Variants in MUC5AC observed in about 807,000 individuals in gnomAD.
The protein encoded by MUC5AC is mucin 5AC, oligomeric mucus/gel-forming.
A neutral mutation model predicts 169.7 loss-of-function variants in MUC5AC; 158 were observed. That is an observed-to-expected ratio of 0.93 (90% CI 0.82 to 1.06). MUC5AC has a LOEUF of 1.06. MUC5AC is among the 50% of genes least tolerant of loss of function. The probability of loss-of-function intolerance (pLI) is 0.00; values close to 1 mark genes in which losing one functional copy is unlikely to be tolerated. For missense variants in MUC5AC, 4,359 were observed against 3,089.9 expected (o/e 1.41, Z -9.74); for synonymous variants, 1,975 against 1,237.0 (o/e 1.60, Z -12.52).
chr11:1,199,082 C>T lies in MUC5AC; in HGVS notation c.16297-5C>T, dbSNP rs761452747. ...ATTCCAGCCACATGTCCATCCCTCC[C>T]GCAGGGCTTCGAGTACCAGGAGCAG... On this transcript the variant is annotated splice_polypyrimidine_tract_variant and splice_region_variant and intron_variant, in intron 44 of 48. Coordinates refer to ENST00000621226, the MANE Select transcript of MUC5AC (RefSeq NM_001304359.2). The T allele has an allele frequency of 1.8e-5, 14 of 763,952 alleles. No individual in the cohort carries two copies. The highest frequency in any genetic ancestry group is 2.7e-5 in the South Asian group (2 of 74,410). The allele number at this position is 763,952 out of a possible 1,614,324, so 47.3% of individuals were successfully genotyped here. A position where few individuals can be genotyped will look rare whatever the true frequency, so the allele number is the denominator to read the frequency against.
At chr11:1,169,708 C>G (rs1860441919) in intron 15 of MUC5AC, among the ~76,000 whole-genome samples, 1 of 144,972 alleles carries the variant, frequency 6.9e-6, no homozygotes, top group Admixed American at 6.8e-5. Context: ...ACTCACTCAC[C>G]TCACTCACTG....
At chr11:1,198,103 T>C (rs1835958007) in intron 42 of MUC5AC, 99 bp downstream of exon 42, 1 of 649,554 alleles carries the variant, frequency 1.5e-6, no homozygotes, top group Non-Finnish European at 2.8e-6. Flanking sequence ...GCTTGTCCAC[T>C]GCGGGTCTGT....
At chr11:1,169,654 A>C in intron 15 of MUC5AC, among the ~76,000 whole-genome samples, 1 of 111,384 alleles carries the variant, frequency 9.0e-6, no homozygotes, top group Middle Eastern at 7.7e-3. Flanking sequence ...CCATTCACTC[A>C]CTCACCCACT....
chr11:1,169,858 C>T (rs1289721543), intron 15 of MUC5AC, among the ~76,000 whole-genome samples: 4 of 133,066 alleles, frequency 3.0e-5, no homozygotes, highest in Admixed American at 7.4e-5. Flanking sequence ...ACCGACTCAC[C>T]CATTCACCCA....
intron 15 of MUC5AC, 72 bp downstream of exon 15, chr11:1,169,098 A>G: frequency 6.8e-7 from 1 of 1,465,342 alleles, no homozygotes; most frequent in Non-Finnish European, 9.0e-7. Flanking sequence ...TTGGCACTGC[A>G]GGCAGCGAGG....
chr11:1,185,576 C>G lies in MUC5AC; in HGVS notation c.7431C>G (p.Thr2477=). ...CTTCTGCTCCTAAAAGCAGCACAAC[C>G]TCTGCCGCTACAACCAGCACAACCT... is the stretch of plus-strand genomic sequence containing the variant. ...RTTSAPKSST[T]SAATTSTTSG... is the part of the protein sequence containing the mutation. Residue 2477 remains threonine (T), a synonymous_variant, in exon 31 of 49, where the codon ACC becomes ACG. Transcript: ENST00000621226. 2.8e-6 allele frequency: 2 copies of G among 720,770 alleles called. No individual in the cohort carries two copies. The highest frequency in any genetic ancestry group is 1.4e-5 in the South Asian group (1 of 69,184). The allele number at this position is 720,770 out of a possible 1,614,324, so 44.6% of individuals were successfully genotyped here.
Position 1,179,089 on chromosome 11 carries a change from C to A in MUC5AC, c.3328-3C>A. On this transcript the variant is annotated splice_polypyrimidine_tract_variant and splice_region_variant and intron_variant, in intron 25 of 48. Transcript: ENST00000621226. ...CTGGAACCTGAAGCCCCGTCTCCCT[C>A]AGGTGGAGCCGGCCAGGTACTACGA... The A allele has an allele frequency of 1.8e-6, 1 of 553,034 alleles. No individual in the cohort carries two copies. The allele number at this position is 553,034 out of a possible 1,614,324, so 34.3% of individuals were successfully genotyped here.
Position 1,190,604 on chromosome 11 carries a change from A to T in MUC5AC, c.12459A>T (p.Thr4153=), listed in dbSNP as rs1861065062. Residue 4153 remains threonine (T), a synonymous_variant, in exon 31 of 49, where the codon ACA becomes ACT. Coordinates refer to ENST00000621226, the MANE Select transcript of MUC5AC (RefSeq NM_001304359.2). The part of the protein sequence containing the change: ...HRTTSGPTTS[T]TLAPTTSTTS... The stretch of plus-strand genomic sequence containing the variant: ...CGACTTCTGGTCCTACAACCAGCAC[A>T]ACCTTGGCTCCTACAACCAGCACAA... 1.4e-6 allele frequency: 1 copy of T among 693,860 alleles called. No individual in the cohort carries two copies. Among genetic ancestry groups the T allele is most frequent in the Non-Finnish European group, 2.6e-6 (1 of 380,656 alleles). 43.0% of individuals were successfully genotyped at this position (693,860 alleles called of 1,614,324 possible). A position where few individuals can be genotyped will look rare whatever the true frequency, so the allele number is the denominator to read the frequency against.
At chr11:1,170,602 C>A (rs1479747647) in intron 15 of MUC5AC, among the ~76,000 whole-genome samples, 1 of 144,006 alleles carries the variant, frequency 6.9e-6, no homozygotes, top group Non-Finnish European at 1.5e-5. Flanking sequence ...CTCACTCACC[C>A]ATTCACCCAC....
Position 1,162,011 on chromosome 11 carries a change from G to C in MUC5AC, c.316G>C (p.Val106Leu). Residue 106 changes from valine to leucine, a missense_variant, in exon 4 of 49, where the codon GTG (valine) becomes CTG (leucine). Transcript: ENST00000621226. ...VFRFPGLCNY[V>L]FSEHCGAAYE... Reference sequence around the variant, plus strand: ...CCGCTTCCCCGGCCTCTGCAACTACGTGTTCTCCGAGCACTGCGGTGCCGC... The same window carrying C: ...CCGCTTCCCCGGCCTCTGCAACTACCTGTTCTCCGAGCACTGCGGTGCCGC... The C allele has an allele frequency of 6.2e-7, 1 of 1,612,544 alleles. No homozygotes were observed. Among genetic ancestry groups the C allele is most frequent in the Non-Finnish European group, 8.5e-7 (1 of 1,179,770 alleles).
In MUC5AC at chr11:1,164,443, G is replaced by A; in HGVS notation, c.1040G>A (p.Cys347Tyr). The A allele has an allele frequency of 6.2e-7, 1 of 1,612,212 alleles. No individual in the cohort carries two copies. Among genetic ancestry groups the A allele is most frequent in the African/African-American group, 1.3e-5 (1 of 75,030 alleles). Residue 347 changes from cysteine (C) to tyrosine (Y), a missense_variant, in exon 9 of 49, where the codon TGC becomes TAC. Coordinates refer to ENST00000621226, the MANE Select transcript of MUC5AC (RefSeq NM_001304359.2). ...KCPNNMQYHE[C>Y]RSPCADTCSN... ...CCCAACAACATGCAGTACCACGAGT[G>A]CCGCTCCCCCTGCGCAGACACCTGC...
At chr11:1,171,357 A>ACC (rs1860523666) in intron 15 of MUC5AC, among the ~76,000 whole-genome samples, 1 of 130,042 alleles carries the variant, frequency 7.7e-6, no homozygotes, top group African/African-American at 3.0e-5. Flanking sequence ...TCACTCACTC[A>ACC]CCCACTCACC....
rs1374181830 is a variant in MUC5AC, at chr11:1,190,894, C to T, written c.12749C>T (p.Thr4250Ile). The T allele has an allele frequency of 2.7e-6, 2 of 732,000 alleles. No individual in the cohort carries two copies. Among genetic ancestry groups the T allele is most frequent in the Admixed American group, 1.8e-5 (1 of 54,282 alleles). 45.3% of individuals were successfully genotyped at this position (732,000 alleles called of 1,614,324 possible). Residue 4250 changes from threonine (T) to isoleucine (I), a missense_variant, in exon 31 of 49, where the codon ACC becomes ATC. Coordinates refer to ENST00000621226, the MANE Select transcript of MUC5AC (RefSeq NM_001304359.2). Reference protein sequence around the residue: ...STTSAPTTSTTSGPGTTPSPV... With the variant: ...STTSAPTTSTISGPGTTPSPV... ...ACTTCTGCTCCTACAACCAGCACAA[C>T]CTCTGGTCCTGGAACTACTCCAAGC...
chr11:1,159,546 T>TGTGGG (rs1860067331), intron 1 of MUC5AC, among the ~76,000 whole-genome samples: 148 of 2,724 alleles, frequency 0.054, 56 homozygotes, highest in African/African-American at 0.12. Context: ...TGCGGGGCTG[T>TGTGGG]GCGGGGCTGT....
In MUC5AC at chr11:1,158,012, C is replaced by G; in HGVS notation, c.13C>G (p.Arg5Gly). 1 of 1,602,276 alleles carries G rather than the reference C, an allele frequency of 6.2e-7. No homozygotes were observed. MSVG[R>G]RKLALLWALA... The stretch of plus-strand genomic sequence containing the variant: ...CGCCGTCCACACAATGAGTGTTGGC[C>G]GGAGGAAGCTGGCCCTGCTCTGGGC... The change falls in exon 1 of 49, where the codon CGG becomes GGG. Residue 5 changes from arginine to glycine, a missense_variant. By Grantham distance (125) the Arg-to-Gly change is moderately radical. Transcript: ENST00000621226.
At position 1,193,607 on chromosome 11, in the gene MUC5AC, G is replaced by A. The variant is rs55923196; in HGVS notation, c.14703G>A (p.Pro4901=). The A allele has an allele frequency of 1.3e-3, 970 of 764,958 alleles. 15 individuals are homozygous for A. In the African/African-American group the frequency reaches 0.014, roughly 11 times the overall value. The allele number at this position is 764,958 out of a possible 1,614,324, so 47.4% of individuals were successfully genotyped here. Reference sequence around the variant, plus strand: ...AGCCCACTTGTGCCAACGGCTACCCGGCTGTGAAGGTGGCTGACCAAGATG... The same window carrying A: ...AGCCCACTTGTGCCAACGGCTACCCAGCTGTGAAGGTGGCTGACCAAGATG... ...VEKPTCANGY[P]AVKVADQDGC... Residue 4901 remains proline (P), a synonymous_variant, in exon 33 of 49, where the codon CCG becomes CCA. Coordinates refer to ENST00000621226, the MANE Select transcript of MUC5AC (RefSeq NM_001304359.2).
chr11:1,187,848 G>A lies in MUC5AC; in HGVS notation c.9703G>A (p.Asp3235Asn). The change falls in exon 31 of 49, where the codon GAC (aspartate) becomes AAC (asparagine). Residue 3235 changes from aspartate to asparagine, a missense_variant. Coordinates refer to ENST00000621226, the MANE Select transcript of MUC5AC (RefSeq NM_001304359.2). The part of the protein sequence containing the change: ...RCTWTKWFDI[D>N]FPSPGPHGGD... ...CACCTGGACCAAGTGGTTTGACATA[G>A]ACTTCCCATCCCCTGGACCCCACGG... is the stretch of plus-strand genomic sequence containing the variant. 2 of 764,348 alleles carry A rather than the reference G, an allele frequency of 2.6e-6. No individual in the cohort carries two copies. The highest frequency in any genetic ancestry group is 1.7e-5 in the Admixed American group (1 of 59,022). 47.3% of individuals were successfully genotyped at this position (764,348 alleles called of 1,614,324 possible).
Position 1,189,599 on chromosome 11 carries a change from T to C in MUC5AC, c.11454T>C (p.Thr3818=). 1 of 605,490 alleles carries C rather than the reference T, an allele frequency of 1.7e-6. No individual in the cohort carries two copies. The highest frequency in any genetic ancestry group is 2.9e-6 in the Non-Finnish European group (1 of 340,856). The allele number at this position is 605,490 out of a possible 1,614,324, so 37.5% of individuals were successfully genotyped here. A position where few individuals can be genotyped will look rare whatever the true frequency, so the allele number is the denominator to read the frequency against. ...ISSPTTSTTS[T]PQTSTTSSPT... is the part of the protein sequence containing the mutation. ...CCCCTACAACCAGCACAACCTCCAC[T>C]CCGCAGACCAGCACAACCTCTTCCC... The change falls in exon 31 of 49, where the codon ACT becomes ACC. Residue 3818 remains threonine, a synonymous_variant. Transcript: ENST00000621226.
chr11:1,186,660 G>A lies in MUC5AC; in HGVS notation c.8515G>A (p.Val2839Ile). The A allele has an allele frequency of 4.1e-6, 3 of 739,734 alleles. No individual in the cohort carries two copies. In the South Asian group the frequency reaches 4.2e-5, roughly 10 times the overall value. 45.8% of individuals were successfully genotyped at this position (739,734 alleles called of 1,614,324 possible). ...TGGTCCTGGAACTACTTCAAGCCCT[G>A]TTCCCACCACCAGCACAACCTCTGC... The part of the protein sequence containing the change: ...TSGPGTTSSP[V>I]PTTSTTSAPT... The change falls in exon 31 of 49, where the codon GTT becomes ATT. Residue 2839 changes from valine (V) to isoleucine (I), a missense_variant. Val to Ile is a conservative substitution (Grantham distance 29). Coordinates refer to ENST00000621226, the MANE Select transcript of MUC5AC (RefSeq NM_001304359.2).
Sources: gnomAD v4.1 joint callset for allele counts (sites outside exome capture counted in the v4.1 genomes callset) on GRCh38, gnomAD v4.1.1 for gene constraint, MANE v1.5 for transcripts, NCBI Gene and HGNC (gene_info 2026-07-23, HGNC 2026-07-21) for gene names.